NPHS2: variants seen among roughly 807,000 people sequenced by gnomAD.
The protein encoded by NPHS2 is podocin.
In NPHS2, 36 loss-of-function variants were observed where a neutral mutation model predicts 37.1. The observed-to-expected ratio is 0.97, with a 90% CI of 0.74 to 1.28. The LOEUF is 1.28. Among genes scored for constraint, NPHS2 ranks in the 50% most tolerant of loss-of-function variants. NPHS2 has a pLI of 0.00. For missense variants in NPHS2, 447 were observed against 488.1 expected, an observed-to-expected ratio of 0.92 and a Z score of 0.79; for synonymous variants, 196 against 189.3, an observed-to-expected ratio of 1.04 and a Z score of -0.29.
Position 179,551,463 on chromosome 1 carries a change from G to A in NPHS2, c.874-12C>T, listed in dbSNP as rs1673270402. The stretch of plus-strand genomic sequence containing the variant: ...TCTGCAGCAATCATCTAGAAAACAT[G>A]TGACGAAAGCAAAGTGATTGTTCTT... On this transcript the variant is annotated splice_polypyrimidine_tract_variant and intron_variant, in intron 7 of 7. Transcript: ENST00000367615. The A allele has an allele frequency of 1.2e-6, 2 of 1,612,490 alleles. No homozygotes were observed. The highest frequency in any genetic ancestry group is 1.3e-5 in the African/African-American group (1 of 74,866).
intron 5 of NPHS2, among the ~76,000 whole-genome samples, chr1:179,554,964 T>C (rs190839007): frequency 2.9e-3 from 441 of 152,144 alleles, no homozygotes; most frequent in Admixed American, 5.9e-3. Context: ...GGTGACATGA[T>C]GATAGAAGCA....
intron 4 of NPHS2, among the ~76,000 whole-genome samples, chr1:179,558,760 T>C (rs371455001): frequency 6.6e-6 from 1 of 152,184 alleles, no homozygotes; most frequent in African/African-American, 2.4e-5. Flanking sequence ...TTTTCCAGGT[T>C]TTTAAAAAAA....
intron 4 of NPHS2, among the ~76,000 whole-genome samples, chr1:179,557,538 C>T (rs956322033): frequency 1.3e-5 from 2 of 152,128 alleles, no homozygotes; most frequent in Non-Finnish European, 2.9e-5. Flanking sequence ...AAAGCATCTG[C>T]TAAAAGAGAA....
At position 179,565,322 on chromosome 1, in the gene NPHS2, C is replaced by T. The variant is rs190922523; in HGVS notation, c.275-529G>A. ...GAGTGGGGGTATACTGGAACAGGCA[C>T]AAAATTTGTGAAGAAGGTCTGGATT... On this transcript the variant is annotated intron_variant, in intron 1 of 7. Coordinates refer to ENST00000367615, the MANE Select transcript of NPHS2 (RefSeq NM_014625.4). Among the ~76,000 whole-genome samples, 3 of 152,094 alleles carry T rather than the reference C, an allele frequency of 2.0e-5. No homozygotes were observed. The East Asian group carries it at 5.8e-4, about 29-fold the overall frequency.
At chr1:179,565,882 C>T (rs761642767) in intron 1 of NPHS2, among the ~76,000 whole-genome samples, 13 of 152,144 alleles carry the variant, frequency 8.5e-5, no homozygotes, top group Non-Finnish European at 1.5e-4. Flanking sequence ...TCATCCATGT[C>T]CCTACAAAGG....
chr1:179,567,931 G>A (rs1377814631), intron 1 of NPHS2, among the ~76,000 whole-genome samples: 1 of 151,020 alleles, frequency 6.6e-6, no homozygotes, highest in African/African-American at 2.4e-5. Flanking sequence ...TGATCGTGGT[G>A]GATGTGCTGC....
Position 179,550,973 on chromosome 1 carries a change from C to A in NPHS2, c.*200G>T, listed in dbSNP as rs2274623. On this transcript the variant is annotated 3_prime_UTR_variant, in exon 8 of 8. Coordinates refer to ENST00000367615, the MANE Select transcript of NPHS2 (RefSeq NM_014625.4). Reference sequence around the variant, plus strand: ...ATAATTGCTCTGACTAGATGAGTCACGGAAACATGTTGTCTGCCTTCTCTG... The same window carrying A: ...ATAATTGCTCTGACTAGATGAGTCAAGGAAACATGTTGTCTGCCTTCTCTG... 2 of 653,358 alleles carry A rather than the reference C, an allele frequency of 3.1e-6. No homozygotes were observed. Among genetic ancestry groups the A allele is most frequent in the South Asian group, 3.7e-5 (2 of 53,554 alleles). The allele number at this position is 653,358 out of a possible 1,614,324, so 40.5% of individuals were successfully genotyped here.
chr1:179,573,974 G>A (rs1017391862), intron 1 of NPHS2, among the ~76,000 whole-genome samples: 4 of 152,142 alleles, frequency 2.6e-5, no homozygotes, highest in Admixed American at 6.5e-5. Context: ...GAGGTGAAGC[G>A]CCTTTTCATT....
chr1:179,556,263 C>G lies in NPHS2; in HGVS notation c.738+764G>C, dbSNP rs1470855551. On this transcript the variant is annotated intron_variant, in intron 5 of 7. Transcript: ENST00000367615. The surrounding 1 kb of genome is among the most constrained non-coding windows in gnomAD (Gnocchi z 4.1). ...TTCCAACTACCATGGTTCACAACCT[C>G]CTAACCCAGTTCTGGGCCTGGGTGT... Among the ~76,000 whole-genome samples, 1 of 152,202 alleles carries G rather than the reference C, an allele frequency of 6.6e-6. No individual in the cohort carries two copies. The highest frequency in any genetic ancestry group is 1.5e-5 in the Non-Finnish European group (1 of 68,044).
intron 1 of NPHS2, among the ~76,000 whole-genome samples, chr1:179,565,046 G>C (rs1028539562): frequency 8.5e-5 from 13 of 152,100 alleles, no homozygotes; most frequent in African/African-American, 3.1e-4. Flanking sequence ...TGAGGTGAGA[G>C]GATCGCTTGA....
chr1:179,553,997 C>T (rs1673701995), intron 6 of NPHS2, among the ~76,000 whole-genome samples: 1 of 150,764 alleles, frequency 6.6e-6, no homozygotes, highest in Non-Finnish European at 1.5e-5. Flanking sequence ...ACTGAAACCT[C>T]TGCCTCTCGG....
intron 5 of NPHS2, among the ~76,000 whole-genome samples, chr1:179,555,032 G>T (rs1237536102): frequency 1.3e-5 from 2 of 152,138 alleles, no homozygotes; most frequent in Non-Finnish European, 2.9e-5. Flanking sequence ...GAGAAATGCA[G>T]GCAGCCACCA....
chr1:179,551,698 A>G, intron 7 of NPHS2: 1 of 514,844 alleles, frequency 1.9e-6, no homozygotes, highest in Non-Finnish European at 3.5e-6. Flanking sequence ...TAGGGGAGTT[A>G]TTAGCATCTG....
chr1:179,573,954 A>G (rs890650012), intron 1 of NPHS2, among the ~76,000 whole-genome samples: 22 of 152,280 alleles, frequency 1.4e-4, no homozygotes, highest in African/African-American at 5.3e-4. Context: ...AGAGTCCCCA[A>G]CATTTTGGTG....
Position 179,575,812 on chromosome 1 carries a change from C to T in NPHS2, c.53G>A (p.Arg18Lys). 6.8e-7 allele frequency: 1 copy of T among 1,463,648 alleles called. No individual in the cohort carries two copies. Among genetic ancestry groups the T allele is most frequent in the Non-Finnish European group, 8.9e-7 (1 of 1,117,442 alleles). The allele number at this position is 1,463,648 out of a possible 1,614,324, so 90.7% of individuals were successfully genotyped here. A position where few individuals can be genotyped will look rare whatever the true frequency, so the allele number is the denominator to read the frequency against. ...SSRESRGRGGRTPHKENKRAK... is the reference protein window; with the variant it reads ...SSRESRGRGGKTPHKENKRAK... ...CCTCTTGTTCTCCTTGTGCGGAGTCCTGCCGCCTCGCCCGCGGGACTCCCT... is the reference window on the plus strand; with the variant it reads ...CCTCTTGTTCTCCTTGTGCGGAGTCTTGCCGCCTCGCCCGCGGGACTCCCT... Residue 18 changes from arginine to lysine, a missense_variant, in exon 1 of 8, where the codon AGG becomes AAG. Transcript: ENST00000367615.
chr1:179,564,760 CA>C lies in NPHS2; in HGVS notation c.307del (p.Trp103GlyfsTer13). The C allele has an allele frequency of 6.2e-7, 1 of 1,614,038 alleles. No homozygotes were observed. Among genetic ancestry groups the C allele is most frequent in the Non-Finnish European group, 8.5e-7 (1 of 1,179,976 alleles). ...TKSSGLGACEWLLVLISLLFI... is the reference protein window; with the variant it reads ...TKSSGLGACEXLLVLISLLFI... ...GAGCAGGGAAATGAGGACAAGAAGC[CA>C]CTCACAGGCCCCTAAGCCGGAGGAT... On this transcript the variant is annotated frameshift_variant, in exon 2 of 8. Transcript: ENST00000367615. LOFTEE classifies it high-confidence loss of function.
intron 1 of NPHS2, among the ~76,000 whole-genome samples, chr1:179,570,822 TCACTGATACTCTTTCTTC>T (rs1442866121): frequency 6.6e-6 from 1 of 152,266 alleles, no homozygotes; most frequent in African/African-American, 2.4e-5. Flanking sequence ...TGATCTTCAG[TCACTGATACTCTTTCTTC>T]CACTTGATTG....
At position 179,568,575 on chromosome 1, in the gene NPHS2, T is replaced by A. The variant is rs12402111; in HGVS notation, c.275-3782A>T. 3.6e-4 allele frequency among the ~76,000 whole-genome samples: 55 copies of A among 152,216 alleles called. No individual in the cohort carries two copies. The Middle Eastern group carries it at 0.01, about 28-fold the overall frequency. ...TTCAGTTCTGCTCTGATCTTAGTTA[T>A]TTCTTGTCTTCTGCTAGCTTTTGAA... On this transcript the variant is annotated intron_variant, in intron 1 of 7. Coordinates refer to ENST00000367615, the MANE Select transcript of NPHS2 (RefSeq NM_014625.4).
rs372007785 is a variant in NPHS2 at position 179,553,388 on chromosome 1, TG to T, written c.795-708del. Among the ~76,000 whole-genome samples, 881 of 152,324 alleles carry T rather than the reference TG, an allele frequency of 5.8e-3. 8 individuals are homozygous for T. Among genetic ancestry groups the T allele is most frequent in the Non-Finnish European group, 8.0e-3 (543 of 68,012 alleles). Reference sequence around the variant, plus strand: ...CATCAGCTGATGAACCAATAAAATGTGGTATAGCCTCACAATGAAATATTAT... The same window carrying T: ...CATCAGCTGATGAACCAATAAAATGTGTATAGCCTCACAATGAAATATTAT... On this transcript the variant is annotated intron_variant, in intron 6 of 7. Coordinates refer to ENST00000367615, the MANE Select transcript of NPHS2 (RefSeq NM_014625.4).
Sources: gnomAD v4.1 joint callset for allele counts (sites outside exome capture counted in the v4.1 genomes callset) on GRCh38, gnomAD v4.1.1 for gene constraint, Gnocchi (gnomAD v3.1) non-coding constraint, MANE v1.5 for transcripts, NCBI Gene and HGNC (gene_info 2026-07-23, HGNC 2026-07-21) for gene names.